Variants in ATRNL1 observed in about 807,000 individuals in gnomAD.
ATRNL1 encodes the protein attractin-like protein 1.
ATRNL1 carries 95 observed loss-of-function variants against 182.7 expected under a neutral mutation model. The observed-to-expected ratio is 0.52, with a 90% CI of 0.44 to 0.62. The LOEUF (loss-of-function observed/expected upper bound fraction) is 0.62. Among genes scored for constraint, ATRNL1 ranks in the 20% least tolerant of loss-of-function variants. The pLI is 0.00. For missense variants in ATRNL1, 1,471 were observed against 1,679.5 expected (o/e 0.88, Z 2.17); for synonymous variants, 576 against 568.3 (o/e 1.01, Z -0.19).
chr10:115,187,683 T>TTTTTTTTC (rs1847998131), intron 8 of ATRNL1, among the ~76,000 whole-genome samples: 2 of 149,056 alleles, frequency 1.3e-5, no homozygotes, highest in Admixed American at 6.7e-5. Flanking sequence ...TTTTTTTTTT[T>TTTTTTTTC]TTTTTTTCTT....
chr10:115,710,312 T>C (rs1947026056), intron 26 of ATRNL1, among the ~76,000 whole-genome samples: 1 of 152,004 alleles, frequency 6.6e-6, no homozygotes, highest in South Asian at 2.1e-4. Context: ...AGAAAAGGGG[T>C]ACATGAATCA....
intron 21 of ATRNL1, among the ~76,000 whole-genome samples, chr10:115,448,048 C>T (rs1253814749): frequency 6.6e-6 from 1 of 151,904 alleles, no homozygotes; most frequent in African/African-American, 2.4e-5. Flanking sequence ...AATTGTTGCT[C>T]TTATTCTTTG....
At chr10:115,936,069 C>T (rs1296962871) in intron 28 of ATRNL1, among the ~76,000 whole-genome samples, 4 of 152,178 alleles carry the variant, frequency 2.6e-5, no homozygotes, top group African/African-American at 7.2e-5. Context: ...TTTCCTTACA[C>T]GGCATTTCAA....
intron 26 of ATRNL1, among the ~76,000 whole-genome samples, chr10:115,694,249 T>G (rs1946484975): frequency 6.6e-6 from 1 of 151,668 alleles, no homozygotes; most frequent in Non-Finnish European, 1.5e-5. Flanking sequence ...GTCTCATGAT[T>G]GGTTGTGTTT....
At chr10:115,347,411 A>T (rs1856025030) in intron 19 of ATRNL1, among the ~76,000 whole-genome samples, 1 of 152,128 alleles carries the variant, frequency 6.6e-6, no homozygotes. Flanking sequence ...ACAATAAGTC[A>T]CATCTGATGA....
chr10:115,520,756 C>A (rs1850885588), intron 25 of ATRNL1, among the ~76,000 whole-genome samples: 1 of 152,142 alleles, frequency 6.6e-6, no homozygotes, highest in South Asian at 2.1e-4. Flanking sequence ...CATTTACAGC[C>A]CTTCAGATTT....
intron 5 of ATRNL1, among the ~76,000 whole-genome samples, chr10:115,138,114 C>T (rs186798838): frequency 1.9e-3 from 296 of 152,322 alleles, no homozygotes; most frequent in Non-Finnish European, 2.6e-3. Flanking sequence ...GTCTCACATC[C>T]GGGTCACGCT....
intron 28 of ATRNL1, among the ~76,000 whole-genome samples, chr10:115,874,643 G>A (rs1201423450): frequency 1.3e-5 from 2 of 152,204 alleles, no homozygotes; most frequent in Non-Finnish European, 2.9e-5. Context: ...AGGTGAGAGA[G>A]AAAGAGCACT....
intron 25 of ATRNL1, among the ~76,000 whole-genome samples, chr10:115,521,540 A>G (rs1163429279): frequency 3.9e-5 from 6 of 152,186 alleles, no homozygotes; most frequent in Admixed American, 6.5e-5. Flanking sequence ...TTGAATATGT[A>G]TGTAAATTAT....
At chr10:115,158,701 TAAATC>T (rs1166409606) in intron 5 of ATRNL1, among the ~76,000 whole-genome samples, 1 of 151,950 alleles carries the variant, frequency 6.6e-6, no homozygotes, top group Non-Finnish European at 1.5e-5. Context: ...CAATATTTCT[TAAATC>T]AGACTCTGCT....
At chr10:115,428,500 C>T (rs755066874) in intron 21 of ATRNL1, among the ~76,000 whole-genome samples, 28 of 152,014 alleles carry the variant, frequency 1.8e-4, no homozygotes, top group Non-Finnish European at 3.1e-4. Context: ...AGTCTTTTAT[C>T]ATTAAATATG....
intron 16 of ATRNL1, among the ~76,000 whole-genome samples, chr10:115,301,357 A>G (rs1277037192): frequency 6.6e-6 from 1 of 152,172 alleles, no homozygotes; most frequent in African/African-American, 2.4e-5. Flanking sequence ...CCTTGCCAAT[A>G]TTTATTTCCT....
chr10:115,667,412 G>T (rs1021284783), intron 26 of ATRNL1, among the ~76,000 whole-genome samples: 3 of 152,094 alleles, frequency 2.0e-5, no homozygotes, highest in Non-Finnish European at 2.9e-5. Context: ...TCCATGTTTT[G>T]TTGGCTTATG....
At chr10:115,927,663 G>A (rs949386756) in intron 28 of ATRNL1, among the ~76,000 whole-genome samples, 2 of 152,066 alleles carry the variant, frequency 1.3e-5, no homozygotes, top group Non-Finnish European at 2.9e-5. Context: ...GTATATTACT[G>A]TTAAATGCTT....
chr10:115,367,894 C>T (rs1284574950), intron 19 of ATRNL1, among the ~76,000 whole-genome samples: 3 of 149,550 alleles, frequency 2.0e-5, no homozygotes, highest in Admixed American at 6.7e-5. Context: ...TCTCCAGCTG[C>T]GTGCTGGGAG....
rs138035455 is a variant in ATRNL1, at chr10:115,872,493, C to T, written c.4018+24502C>T. ...AATTAATATCAAGTCAAAATTCAAA[C>T]GGACAAAAAAAGTGAGAGCTCATCA... is the stretch of plus-strand genomic sequence containing the variant. On this transcript the variant is annotated intron_variant, in intron 28 of 28. Transcript: ENST00000355044. Among the ~76,000 whole-genome samples, 17 of 152,126 alleles carry T rather than the reference C, an allele frequency of 1.1e-4. No individual in the cohort carries two copies. In the East Asian group the frequency reaches 3.3e-3, roughly 29 times the overall value.
intron 26 of ATRNL1, among the ~76,000 whole-genome samples, chr10:115,682,673 A>G (rs190478755): frequency 2.1e-5 from 3 of 142,052 alleles, no homozygotes; most frequent in Admixed American, 1.4e-4. Context: ...AATACATATG[A>G]TGATGATGAT....
intron 27 of ATRNL1, among the ~76,000 whole-genome samples, chr10:115,788,024 T>G (rs1342003635): frequency 1.3e-5 from 2 of 152,218 alleles, no homozygotes; most frequent in African/African-American, 2.4e-5. Flanking sequence ...CCACCAAATT[T>G]GTGTAATCTG....
intron 26 of ATRNL1, among the ~76,000 whole-genome samples, chr10:115,665,994 T>C (rs782406252): frequency 1.3e-5 from 2 of 152,084 alleles, no homozygotes; most frequent in Non-Finnish European, 2.9e-5. Flanking sequence ...GGTTTCAGGG[T>C]GAAAAGTTGA....
Sources: allele counts gnomAD v4.1 joint callset (sites outside exome capture counted in the v4.1 genomes callset), GRCh38; gene constraint gnomAD v4.1.1; transcripts MANE v1.5; gene names NCBI Gene and HGNC (gene_info 2026-07-23, HGNC 2026-07-21).